VPS13A: variants seen among roughly 807,000 people sequenced by gnomAD.
The protein encoded by VPS13A is vacuolar protein sorting 13 homolog A.
Under a neutral mutation model 390.9 loss-of-function variants are expected in VPS13A, and 264 were observed. The ratio of observed to expected loss-of-function variants is 0.68; its 90% CI spans 0.61 to 0.75. VPS13A has a LOEUF of 0.75. Ranked by LOEUF, VPS13A falls within the 30% of genes least tolerant of loss-of-function variation. The pLI, the probability that VPS13A is intolerant of heterozygous loss-of-function variation, is 0.00. For missense variants in VPS13A, 3,409 were observed against 3,733.9 expected, an observed-to-expected ratio of 0.91 and a Z score of 2.27; for synonymous variants, 1,231 against 1,227.1, an observed-to-expected ratio of 1.00 and a Z score of -0.07.
chr9:77,304,555 C>T (rs1415108554), intron 34 of VPS13A, among the ~76,000 whole-genome samples: 1 of 151,958 alleles, frequency 6.6e-6, no homozygotes. Flanking sequence ...TTGGTGTCAC[C>T]AGCATATAGA....
chr9:77,413,684 A>G (rs142463052), intron 71 of VPS13A, among the ~76,000 whole-genome samples: 20,291 of 152,222 alleles, frequency 0.13, 1,728 homozygotes, highest in African/African-American at 0.23. Context: ...GGCATGGGCA[A>G]GGACTTCATG....
chr9:77,275,004 A>G (rs1470109771), intron 24 of VPS13A, among the ~76,000 whole-genome samples: 1 of 152,120 alleles, frequency 6.6e-6, no homozygotes, highest in African/African-American at 2.4e-5. Flanking sequence ...ATATACCTAT[A>G]TTTGTGTATA....
intron 50 of VPS13A, among the ~76,000 whole-genome samples, chr9:77,343,009 A>G (rs1267175484): frequency 1.3e-5 from 2 of 152,172 alleles, no homozygotes; most frequent in African/African-American, 4.8e-5. Context: ...AGAGTAGACA[A>G]AAAGTGTCTT....
Position 77,199,093 on chromosome 9 carries a change from C to T in VPS13A, c.101-852C>T, listed in dbSNP as rs532126421. Among the ~76,000 whole-genome samples the T allele has an allele frequency of 2.0e-5, 3 of 152,282 alleles. No homozygotes were observed. In the South Asian group the frequency reaches 6.2e-4, roughly 32 times the overall value. ...ATTTTGCTAATTACTTTCTATGTGTCTTACAGCATTTCTTCTTTCTGTTTT... is the reference window on the plus strand; with the variant it reads ...ATTTTGCTAATTACTTTCTATGTGTTTTACAGCATTTCTTCTTTCTGTTTT... On this transcript the variant is annotated intron_variant, in intron 1 of 71. Transcript: ENST00000360280.
intron 22 of VPS13A, among the ~76,000 whole-genome samples, chr9:77,254,813 G>A (rs1469711235): frequency 6.6e-6 from 1 of 152,108 alleles, no homozygotes; most frequent in Non-Finnish European, 1.5e-5. Context: ...TTTATTGTTA[G>A]TATGTGGGAA....
chr9:77,178,764 G>A (rs1376102059), intron 1 of VPS13A, among the ~76,000 whole-genome samples: 1 of 152,158 alleles, frequency 6.6e-6, no homozygotes, highest in Non-Finnish European at 1.5e-5. Context: ...AGACTCCTTT[G>A]TGAAATGAAT....
chr9:77,336,416 A>G (rs1000860504), intron 46 of VPS13A, among the ~76,000 whole-genome samples: 12 of 152,230 alleles, frequency 7.9e-5, no homozygotes, highest in Admixed American at 6.5e-4. Flanking sequence ...GATGTTTAAA[A>G]AAAAACAGCA....
rs1026404424 is a variant in VPS13A, at chr9:77,293,324, A to G, written c.3340-17A>G. On this transcript the variant is annotated splice_polypyrimidine_tract_variant and intron_variant, in intron 31 of 71. Transcript: ENST00000360280. ...TTTCAAAAATGGATTGTGATAATTA[A>G]ATTTTCTCTTATTAAGGCTGTTTAT... is the stretch of plus-strand genomic sequence containing the variant. 2 of 1,598,680 alleles carry G rather than the reference A, an allele frequency of 1.3e-6. No individual in the cohort carries two copies. The highest frequency in any genetic ancestry group is 1.7e-5 in the Admixed American group (1 of 59,488).
At chr9:77,399,702 A>G (rs374236284) in intron 68 of VPS13A, among the ~76,000 whole-genome samples, 6 of 152,326 alleles carry the variant, frequency 3.9e-5, no homozygotes, top group East Asian at 1.9e-4. Context: ...GAAACAGAAT[A>G]AAAGAATGTA....
chr9:77,333,950 C>T (rs904860057), intron 46 of VPS13A, among the ~76,000 whole-genome samples: 1 of 152,068 alleles, frequency 6.6e-6, no homozygotes, highest in African/African-American at 2.4e-5. Context: ...GGATATATTA[C>T]ATAAATGTAT....
chr9:77,315,398 G>C lies in VPS13A; in HGVS notation c.4558G>C (p.Val1520Leu). 6.2e-7 allele frequency: 1 copy of C among 1,613,958 alleles called. No homozygotes were observed. Among genetic ancestry groups the C allele is most frequent in the Non-Finnish European group, 8.5e-7 (1 of 1,179,860 alleles). Residue 1520 changes from valine (V) to leucine (L), a missense_variant, in exon 38 of 72, where the codon GTC (valine) becomes CTC (leucine). Coordinates refer to ENST00000360280, the MANE Select transcript of VPS13A (RefSeq NM_033305.3). Reference protein sequence around the residue: ...SVEFLQTVANVFLEAYTTGTA... With the variant: ...SVEFLQTVANLFLEAYTTGTA... ...AGAATTTCTGCAGACTGTTGCAAAT[G>C]TCTTTCTTGAGGCCTACACCACAGG...
In VPS13A at chr9:77,302,828, A is replaced by G. The variant is rs562830036; in HGVS notation, c.3813-87A>G. ...CAAATTATTGATTTCTGCTATTTGC[A>G]TATAAAAGGATAAATTTAAGTTAAT... On this transcript the variant is annotated intron_variant, in intron 33 of 71. Coordinates refer to ENST00000360280, the MANE Select transcript of VPS13A (RefSeq NM_033305.3). The G allele has an allele frequency of 1.9e-4, 253 of 1,341,978 alleles. No individual in the cohort carries two copies. In the African/African-American group the frequency reaches 3.1e-3, roughly 16 times the overall value. The allele number at this position is 1,341,978 out of a possible 1,614,324, so 83.1% of individuals were successfully genotyped here.
chr9:77,263,162 A>C (rs2131300969), intron 23 of VPS13A, among the ~76,000 whole-genome samples: 1 of 148,106 alleles, frequency 6.8e-6, no homozygotes, highest in South Asian at 2.1e-4. Context: ...CCTGGAGTGC[A>C]GTGGTGCGAT....
chr9:77,247,849 C>T (rs1200672222), intron 20 of VPS13A, among the ~76,000 whole-genome samples: 9 of 152,070 alleles, frequency 5.9e-5, no homozygotes, highest in South Asian at 2.1e-4. Flanking sequence ...TTAGTAGAGA[C>T]GGAATTTCAC....
intron 19 of VPS13A, among the ~76,000 whole-genome samples, chr9:77,245,605 A>G (rs1824760363): frequency 6.6e-6 from 1 of 152,112 alleles, no homozygotes; most frequent in Admixed American, 6.5e-5. Context: ...ATTTCACTTG[A>G]ATTTGCTTCT....
intron 68 of VPS13A, chr9:77,383,155 A>G (rs1833529774): frequency 1.8e-6 from 1 of 571,236 alleles, no homozygotes; most frequent in Non-Finnish European, 2.2e-6. Flanking sequence ...TATTTTACCT[A>G]TTGCAGGGCA....
Position 77,356,952 on chromosome 9 carries a change from T to C in VPS13A, c.7806+85T>C, listed in dbSNP as rs185447903. The C allele has an allele frequency of 9.7e-5, 145 of 1,488,376 alleles. No homozygotes were observed. The African/African-American group carries it at 1.8e-3, about 19-fold the overall frequency. 92.2% of individuals were successfully genotyped at this position (1,488,376 alleles called of 1,614,324 possible). On this transcript the variant is annotated intron_variant, in intron 55 of 71. Transcript: ENST00000360280. The stretch of plus-strand genomic sequence containing the variant: ...TCACTAGTGAAATTTAAGGAAAGTT[T>C]GGCTTCCTTATAAAACAAAATAATC...
chr9:77,386,535 C>T (rs184919514), intron 68 of VPS13A, among the ~76,000 whole-genome samples: 1 of 151,666 alleles, frequency 6.6e-6, no homozygotes, highest in Non-Finnish European at 1.5e-5. Flanking sequence ...CAGTGATTTA[C>T]CATTTTCATG....
At chr9:77,305,659 C>A (rs1472258973) in intron 34 of VPS13A, 1 of 168,348 alleles carries the variant, frequency 5.9e-6, no homozygotes, top group Non-Finnish European at 1.3e-5. Context: ...GCTTCCCTTA[C>A]TCTAATTCAC....
Sources: allele counts gnomAD v4.1 joint callset (sites outside exome capture counted in the v4.1 genomes callset), GRCh38; gene constraint gnomAD v4.1.1; transcripts MANE v1.5; gene names NCBI Gene and HGNC (gene_info 2026-07-23, HGNC 2026-07-21).